Variants in PCSK5 observed in about 807,000 individuals in gnomAD.
PCSK5 encodes the protein proprotein convertase subtilisin/kexin type 5.
PCSK5 carries 129 observed loss-of-function variants against 233.2 expected under a neutral mutation model. The observed-to-expected ratio is 0.55, with a 90% CI of 0.48 to 0.64. The LOEUF is 0.64. Among genes scored for constraint, PCSK5 ranks in the 30% least tolerant of loss-of-function variants. PCSK5 has a pLI of 0.00. For synonymous variants in PCSK5, 825 were observed against 879.2 expected (o/e 0.94, Z 1.09); for missense variants, 2,076 against 2,430.1 (o/e 0.85, Z 3.06).
chr9:76,287,553 G>C (rs527461333), intron 24 of PCSK5: 1 of 152,366 alleles, frequency 6.6e-6, no homozygotes, highest in Non-Finnish European at 1.5e-5. Context: ...TCTACCTCCC[G>C]GGTACATGCC....
chr9:76,043,939 C>T (rs1356715007), intron 5 of PCSK5, among the ~76,000 whole-genome samples: 1 of 151,642 alleles, frequency 6.6e-6, no homozygotes, highest in Non-Finnish European at 1.5e-5. Flanking sequence ...CAGTCTTTCT[C>T]TCTTTCTCTC....
intron 12 of PCSK5, among the ~76,000 whole-genome samples, chr9:76,162,076 C>T (rs1044005742): frequency 1.3e-5 from 2 of 152,130 alleles, no homozygotes; most frequent in African/African-American, 4.8e-5. Flanking sequence ...CTGGAGACCC[C>T]AAGAGATGTA....
At chr9:76,316,133 A>G (rs1166608139) in intron 30 of PCSK5, among the ~76,000 whole-genome samples, 2 of 151,942 alleles carry the variant, frequency 1.3e-5, no homozygotes, top group African/African-American at 4.8e-5. Flanking sequence ...TAGCATTGAG[A>G]TTCCCTGGAG....
intron 32 of PCSK5, among the ~76,000 whole-genome samples, chr9:76,326,584 G>A (rs544122544): frequency 7.9e-5 from 12 of 152,194 alleles, no homozygotes; most frequent in African/African-American, 1.4e-4. Context: ...ACTACTTAGC[G>A]TAAGTGACTT....
chr9:76,113,282 G>A (rs1467339803), intron 9 of PCSK5, among the ~76,000 whole-genome samples: 1 of 152,158 alleles, frequency 6.6e-6, no homozygotes, highest in East Asian at 1.9e-4. Context: ...GTCAAAGTGT[G>A]AGAAGTTAAA....
At chr9:75,925,124 A>T (rs1467824932) in intron 1 of PCSK5, among the ~76,000 whole-genome samples, 1 of 152,194 alleles carries the variant, frequency 6.6e-6, no homozygotes, top group Non-Finnish European at 1.5e-5. Flanking sequence ...CAGTGATTTG[A>T]AGAAATCATT....
chr9:76,196,756 A>G (rs1824719451), intron 20 of PCSK5, among the ~76,000 whole-genome samples: 1 of 152,210 alleles, frequency 6.6e-6, no homozygotes. Context: ...GTTCTCTCTC[A>G]ATTTTCAGAA....
At chr9:76,227,905 C>T (rs1189681909) in intron 21 of PCSK5, among the ~76,000 whole-genome samples, 1 of 152,012 alleles carries the variant, frequency 6.6e-6, no homozygotes, top group Admixed American at 6.6e-5. Context: ...ACCCGTCCCT[C>T]AATCATCATT....
intron 9 of PCSK5, among the ~76,000 whole-genome samples, chr9:76,128,384 C>A (rs573077954): frequency 6.6e-6 from 1 of 152,132 alleles, no homozygotes; most frequent in East Asian, 1.9e-4. Flanking sequence ...TTCATAATTG[C>A]GATTTGATTT....
intron 9 of PCSK5, among the ~76,000 whole-genome samples, chr9:76,128,883 G>C (rs887619602): frequency 2.6e-5 from 4 of 152,110 alleles, no homozygotes; most frequent in Non-Finnish European, 5.9e-5. Context: ...TTTTAGGCCT[G>C]AAACTTTTGA....
At chr9:76,259,684 G>A (rs1354784224) in intron 24 of PCSK5, among the ~76,000 whole-genome samples, 1 of 152,100 alleles carries the variant, frequency 6.6e-6, no homozygotes, top group Non-Finnish European at 1.5e-5. Context: ...CCACATGCAG[G>A]TAAGCATATG....
chr9:76,132,378 A>G (rs1220399686), intron 9 of PCSK5, among the ~76,000 whole-genome samples: 6 of 152,086 alleles, frequency 3.9e-5, no homozygotes, highest in African/African-American at 1.4e-4. Context: ...AACAAGAATA[A>G]TTCTGTTTTC....
intron 1 of PCSK5, among the ~76,000 whole-genome samples, chr9:75,902,148 G>A (rs533499032): frequency 6.8e-6 from 1 of 147,766 alleles, no homozygotes; most frequent in South Asian, 2.2e-4. Flanking sequence ...CCCAGGAGGT[G>A]GAGGTTGCAG....
intron 15 of PCSK5, among the ~76,000 whole-genome samples, 151 bp from the exon 16 acceptor site, chr9:76,181,243 TAACA>T (rs140590375): frequency 0.014 from 2,168 of 152,312 alleles, 51 homozygotes; most frequent in African/African-American, 0.05. Context: ...GGAGGAAGTT[TAACA>T]AACAATCTGG....
intron 24 of PCSK5, among the ~76,000 whole-genome samples, chr9:76,247,169 A>G (rs945037081): frequency 6.6e-6 from 1 of 152,226 alleles, no homozygotes; most frequent in Non-Finnish European, 1.5e-5. Flanking sequence ...TCAGGAGCAC[A>G]GTGGACACCC....
chr9:76,227,059 C>A (rs1199681090), intron 20 of PCSK5, among the ~76,000 whole-genome samples: 1 of 152,150 alleles, frequency 6.6e-6, no homozygotes, highest in Non-Finnish European at 1.5e-5. Context: ...ATTACCACAC[C>A]TCTACCCCAT....
intron 2 of PCSK5, among the ~76,000 whole-genome samples, chr9:75,954,935 T>G (rs1825026173): frequency 1.3e-5 from 2 of 152,234 alleles, no homozygotes; most frequent in Admixed American, 1.3e-4. Flanking sequence ...AACCATGAAA[T>G]ATTTCTCTTT....
At chr9:75,934,333 G>A (rs1823951223) in intron 2 of PCSK5, among the ~76,000 whole-genome samples, 1 of 152,180 alleles carries the variant, frequency 6.6e-6, no homozygotes, top group Non-Finnish European at 1.5e-5. Context: ...GCTTTGCAGA[G>A]AGAGAGCCAC....
intron 5 of PCSK5, among the ~76,000 whole-genome samples, chr9:76,053,249 A>G (rs1178307211): frequency 6.6e-6 from 1 of 152,108 alleles, no homozygotes; most frequent in Non-Finnish European, 1.5e-5. Context: ...CTCCCACCCC[A>G]CATTTCCCTT....
Sources: gnomAD v4.1 joint callset for allele counts (sites outside exome capture counted in the v4.1 genomes callset) on GRCh38, gnomAD v4.1.1 for gene constraint, MANE v1.5 for transcripts, NCBI Gene and HGNC (gene_info 2026-07-23, HGNC 2026-07-21) for gene names.